Variants in GATAD2B observed in about 807,000 individuals in gnomAD.
GATAD2B encodes GATA zinc finger domain containing 2B.
Under a neutral mutation model 64.3 loss-of-function variants are expected in GATAD2B, and 8 were observed. That is an observed-to-expected ratio of 0.12 (90% CI 0.07 to 0.22). GATAD2B has a LOEUF of 0.22. Among genes scored for constraint, GATAD2B ranks in the 10% least tolerant of loss-of-function variants. GATAD2B has a pLI of 1.00. For synonymous variants in GATAD2B, 281 were observed against 271.3 expected (o/e 1.04, Z -0.35); for missense variants, 453 against 752.0 (o/e 0.60, Z 4.65).
At chr1:153,839,661 AAAGT>A (rs1264248395) in intron 1 of GATAD2B, among the ~76,000 whole-genome samples, 1 of 152,174 alleles carries the variant, frequency 6.6e-6, no homozygotes, top group African/African-American at 2.4e-5. Flanking sequence ...TAACACATAA[AAAGT>A]AAGTTTAAAA....
At chr1:153,865,532 A>G (rs1176381860) in intron 1 of GATAD2B, among the ~76,000 whole-genome samples, 2 of 152,208 alleles carry the variant, frequency 1.3e-5, no homozygotes, top group Non-Finnish European at 2.9e-5. Context: ...TACCACACCA[A>G]GGATGGTAAG....
intron 1 of GATAD2B, among the ~76,000 whole-genome samples, chr1:153,868,919 A>G (rs1676566138): frequency 1.3e-5 from 2 of 152,048 alleles, no homozygotes; most frequent in African/African-American, 2.4e-5. Context: ...TTTTTAGTAG[A>G]GACGAAGCCA....
chr1:153,840,327 G>A (rs951457313), intron 1 of GATAD2B, among the ~76,000 whole-genome samples: 3 of 145,778 alleles, frequency 2.1e-5, no homozygotes, highest in Admixed American at 6.9e-5. Flanking sequence ...GAGCCACTGC[G>A]CCCTGCTGAA....
chr1:153,870,246 G>A (rs1676617857), intron 1 of GATAD2B, among the ~76,000 whole-genome samples: 1 of 151,896 alleles, frequency 6.6e-6, no homozygotes, highest in African/African-American at 2.4e-5. Context: ...CACTGTACCT[G>A]GTCACCCTGT....
At chr1:153,867,829 C>T (rs1676529921) in intron 1 of GATAD2B, among the ~76,000 whole-genome samples, 1 of 151,210 alleles carries the variant, frequency 6.6e-6, no homozygotes, top group South Asian at 2.1e-4. Flanking sequence ...CACTGCACTC[C>T]ATCCTTGGCG....
chr1:153,881,685 G>A (rs12039936), intron 1 of GATAD2B, among the ~76,000 whole-genome samples: 19,455 of 152,064 alleles, frequency 0.13, 1,726 homozygotes, highest in East Asian at 0.49. Context: ...ACATTTTTCC[G>A]TTCCTTCCTC....
chr1:153,849,703 T>C (rs532735665), intron 1 of GATAD2B, among the ~76,000 whole-genome samples: 4 of 152,230 alleles, frequency 2.6e-5, no homozygotes, highest in African/African-American at 9.6e-5. Context: ...TGATCTTGGC[T>C]CACTGCAACC....
At chr1:153,922,088 C>T (rs1338631992) in intron 1 of GATAD2B, 1 of 152,244 alleles carries the variant, frequency 6.6e-6, no homozygotes, top group Non-Finnish European at 1.5e-5. Flanking sequence ...TTCTCTTCCC[C>T]TACGGGAGGG....
At chr1:153,827,957 T>C (rs1674940289) in intron 2 of GATAD2B, 56 bp downstream of exon 2, 1 of 1,271,226 alleles carries the variant, frequency 7.9e-7, no homozygotes, top group Non-Finnish European at 1.1e-6. Context: ...TTCATTCCAT[T>C]TTCACAGGCT....
intron 1 of GATAD2B, among the ~76,000 whole-genome samples, chr1:153,850,145 C>A (rs1353161808): frequency 6.6e-6 from 1 of 152,168 alleles, no homozygotes; most frequent in Non-Finnish European, 1.5e-5. Flanking sequence ...AACTGTGGAT[C>A]TGTTCCTCCA....
chr1:153,834,143 C>A (rs1367895135), intron 1 of GATAD2B, among the ~76,000 whole-genome samples: 1 of 151,872 alleles, frequency 6.6e-6, no homozygotes, highest in Admixed American at 6.6e-5. Context: ...GCTGGGATTA[C>A]AAACGCCCAC....
chr1:153,898,217 A>G (rs182938038), intron 1 of GATAD2B, among the ~76,000 whole-genome samples: 1 of 147,702 alleles, frequency 6.8e-6, no homozygotes, highest in East Asian at 2.1e-4. Context: ...AAGGAGAGAG[A>G]GGATTGCTAG....
At chr1:153,813,936 C>G (rs564577600) in intron 7 of GATAD2B, among the ~76,000 whole-genome samples, 2 of 152,302 alleles carry the variant, frequency 1.3e-5, no homozygotes, top group East Asian at 3.9e-4. Context: ...CGAAATTGTG[C>G]CAGTGCACTC....
rs577121498 is a variant in GATAD2B at position 153,836,918 on chromosome 1, G to A, written c.-1-8570C>T. Among the ~76,000 whole-genome samples the A allele has an allele frequency of 7.2e-5, 11 of 152,240 alleles. 1 individual carries two copies. The South Asian group carries it at 2.3e-3, about 32-fold the overall frequency. ...ACATTAATGATTCAAGAAAGAAACTGACCCATCAGAGGTTGTGAGAAACCA... is the reference window on the plus strand; with the variant it reads ...ACATTAATGATTCAAGAAAGAAACTAACCCATCAGAGGTTGTGAGAAACCA... On this transcript the variant is annotated intron_variant, in intron 1 of 10. Coordinates refer to ENST00000368655, the MANE Select transcript of GATAD2B (RefSeq NM_020699.4).
chr1:153,917,845 G>C (rs1678318827), intron 1 of GATAD2B, among the ~76,000 whole-genome samples: 1 of 152,184 alleles, frequency 6.6e-6, no homozygotes, highest in African/African-American at 2.4e-5. Context: ...AAAGTGTTAA[G>C]TCCTATGAAA....
chr1:153,820,603 T>C (rs952531885), intron 2 of GATAD2B, among the ~76,000 whole-genome samples: 2 of 152,126 alleles, frequency 1.3e-5, no homozygotes, highest in African/African-American at 2.4e-5. Context: ...TGGTAGTATA[T>C]AGGTCGAGGG....
chr1:153,912,127 G>C (rs558163174), intron 1 of GATAD2B, among the ~76,000 whole-genome samples: 3 of 152,302 alleles, frequency 2.0e-5, no homozygotes, highest in East Asian at 3.9e-4. Flanking sequence ...GGAACTTACA[G>C]TATAATATTA....
chr1:153,831,104 G>A (rs1417552848), intron 1 of GATAD2B, among the ~76,000 whole-genome samples: 1 of 152,116 alleles, frequency 6.6e-6, no homozygotes, highest in African/African-American at 2.4e-5. Context: ...TGAATTTTGG[G>A]TTAATGCTTC....
chr1:153,861,065 G>C (rs1049259740), intron 1 of GATAD2B, among the ~76,000 whole-genome samples: 2 of 152,186 alleles, frequency 1.3e-5, no homozygotes, highest in African/African-American at 4.8e-5. Flanking sequence ...GCAGAGGAGA[G>C]AAAGTGTGTG....
Sources: gnomAD v4.1 joint callset for allele counts (sites outside exome capture counted in the v4.1 genomes callset) on GRCh38, gnomAD v4.1.1 for gene constraint, MANE v1.5 for transcripts, NCBI Gene and HGNC (gene_info 2026-07-23, HGNC 2026-07-21) for gene names.